ADAMTSL5: variants seen among roughly 807,000 people sequenced by gnomAD.
The protein encoded by ADAMTSL5 is ADAMTS-like protein 5.
ADAMTSL5 carries 53 observed loss-of-function variants against 51.7 expected under a neutral mutation model. That is an observed-to-expected ratio of 1.03 (90% CI 0.82 to 1.29). The LOEUF is 1.29. ADAMTSL5 is among the 50% of genes most tolerant of loss of function. ADAMTSL5 has a pLI of 0.00. For synonymous variants in ADAMTSL5, 285 were observed against 278.7 expected (o/e 1.02, Z -0.23); for missense variants, 770 against 676.2 (o/e 1.14, Z -1.54).
chr19:1,507,208 A>T (rs773858007), intron 9 of ADAMTSL5, 34 bp downstream of exon 9: 1 of 1,505,012 alleles, frequency 6.6e-7, no homozygotes, highest in East Asian at 2.3e-5. Context: ...TCCCCAGCCG[A>T]CCCCCTCTGA....
At position 1,506,805 on chromosome 19, in the gene ADAMTSL5, C is replaced by T. The variant is rs768921258; in HGVS notation, c.976G>A (p.Gly326Arg). ...GCTGCGGGGGGCTGAGGCTCCACCC[C>T]CCGGGGCTGAGGCTGCCTCAGGGGC... Reference protein sequence around the residue: ...GWPLRQPQPRGVEPQPPAAPA... With the variant: ...GWPLRQPQPRRVEPQPPAAPA... The change falls in exon 10 of 12, where the codon GGG becomes AGG. Residue 326 changes from glycine to arginine, a missense_variant. Coordinates refer to ENST00000330475, the MANE Select transcript of ADAMTSL5 (RefSeq NM_213604.3). This position sits in a 1 kb window ranked among gnomAD's most constrained non-coding sequence, Gnocchi z 5.6. 37 of 1,541,594 alleles carry T rather than the reference C, an allele frequency of 2.4e-5. No individual in the cohort carries two copies. The highest frequency in any genetic ancestry group is 2.6e-6 in the Non-Finnish European group (3 of 1,144,442).
Position 1,506,192 on chromosome 19 carries a change from G to A in ADAMTSL5, c.1239C>T (p.Gly413=). 6.2e-7 allele frequency: 1 copy of A among 1,608,596 alleles called. No homozygotes were observed. The highest frequency in any genetic ancestry group is 8.5e-7 in the Non-Finnish European group (1 of 1,177,050). The part of the protein sequence containing the change: ...LRAREYVWAP[G]HCPCPMLAPH... Reference sequence around the variant, plus strand: ...GTGCCAGCATCGGGCAGGGGCAGTGGCCTGGCGCCCACACGTACTCGCGTG... The same window carrying A: ...GTGCCAGCATCGGGCAGGGGCAGTGACCTGGCGCCCACACGTACTCGCGTG... Residue 413 remains glycine, a synonymous_variant, in exon 12 of 12, where the codon GGC becomes GGT. Coordinates refer to ENST00000330475, the MANE Select transcript of ADAMTSL5 (RefSeq NM_213604.3). The surrounding 1 kb of genome is among the most constrained non-coding windows in gnomAD (Gnocchi z 5.6).
intron 9 of ADAMTSL5, 131 bp from the exon 10 acceptor site, chr19:1,507,059 C>G (rs890050717): frequency 3.3e-5 from 42 of 1,288,472 alleles, no homozygotes; most frequent in Non-Finnish European, 4.2e-5. Flanking sequence ...TGCTCTGTCC[C>G]TAGCTGATCC....
chr19:1,506,966 G>T lies in ADAMTSL5; in HGVS notation c.853-38C>A. 6.6e-7 allele frequency: 1 copy of T among 1,523,724 alleles called. No homozygotes were observed. The highest frequency in any genetic ancestry group is 8.8e-7 in the Non-Finnish European group (1 of 1,137,544). 94.4% of individuals were successfully genotyped at this position (1,523,724 alleles called of 1,614,324 possible). On this transcript the variant is annotated intron_variant, in intron 9 of 11. Transcript: ENST00000330475. The surrounding 1 kb of genome is among the most constrained non-coding windows in gnomAD (Gnocchi z 5.6). ...AGGGGACACAGGGAGCTTCACAGGA[G>T]GCTGGGGTTGCCTCCTGCCTCTGAC...
In ADAMTSL5 at chr19:1,510,352, G is replaced by A. The variant is rs1008987267; in HGVS notation, c.252+16C>T. ...TCTGGGGTGGGAGAGTGGTCTGGGA[G>A]GTGGGCAGGGCTTACTGGCAACTGG... On this transcript the variant is annotated intron_variant, in intron 4 of 11. Transcript: ENST00000330475. The A allele has an allele frequency of 1.2e-6, 2 of 1,613,704 alleles. No homozygotes were observed. Among genetic ancestry groups the A allele is most frequent in the Non-Finnish European group, 1.7e-6 (2 of 1,179,924 alleles).
chr19:1,506,784 C>A lies in ADAMTSL5; in HGVS notation c.997G>T (p.Ala333Ser). ...TGTGCAGGGGTGACAGCAGGGGCTGCGGGGGGCTGAGGCTCCACCCCCCGG... is the reference window on the plus strand; with the variant it reads ...TGTGCAGGGGTGACAGCAGGGGCTGAGGGGGGCTGAGGCTCCACCCCCCGG... ...QPRGVEPQPP[A>S]APAVTPAQTP... Residue 333 changes from alanine (A) to serine (S), a missense_variant, in exon 10 of 12, where the codon GCA (alanine) becomes TCA (serine). Physicochemically the swap from Ala to Ser is moderately conservative, Grantham distance 99. Transcript: ENST00000330475. This position sits in a 1 kb window ranked among gnomAD's most constrained non-coding sequence, Gnocchi z 5.6. The A allele has an allele frequency of 1.9e-6, 3 of 1,542,198 alleles. No individual in the cohort carries two copies. The highest frequency in any genetic ancestry group is 2.6e-6 in the Non-Finnish European group (3 of 1,144,978).
Position 1,506,158 on chromosome 19 carries a change from C to T in ADAMTSL5, c.1273G>A (p.Asp425Asn). The change falls in exon 12 of 12, where the codon GAC (aspartate) becomes AAC (asparagine). Residue 425 changes from aspartate to asparagine, a missense_variant. Transcript: ENST00000330475. This position sits in a 1 kb window ranked among gnomAD's most constrained non-coding sequence, Gnocchi z 5.6. ...AGACGCTGGACAGCCATCAGGTAGT[C>T]CCGGTGGGGTGCCAGCATCGGGCAG... is the stretch of plus-strand genomic sequence containing the variant. ...CPCPMLAPHR[D>N]YLMAVQRLVS... is the part of the protein sequence containing the mutation. 6.2e-7 allele frequency: 1 copy of T among 1,608,878 alleles called. No homozygotes were observed. Among genetic ancestry groups the T allele is most frequent in the Non-Finnish European group, 8.5e-7 (1 of 1,177,570 alleles).
chr19:1,512,394 AG>A (rs1270359224), intron 1 of ADAMTSL5, among the ~76,000 whole-genome samples: 3 of 152,062 alleles, frequency 2.0e-5, no homozygotes, highest in African/African-American at 4.8e-5. Flanking sequence ...AAACAAGGGG[AG>A]GGGGGCCAGG....
intron 4 of ADAMTSL5, 54 bp from the exon 5 acceptor site, chr19:1,510,312 G>A (rs1913191703): frequency 1.2e-6 from 2 of 1,613,054 alleles, no homozygotes; most frequent in African/African-American, 2.7e-5. Context: ...GGGGCAGGTG[G>A]TGGGCTTCAG....
At position 1,510,492 on chromosome 19, in the gene ADAMTSL5, C is replaced by T. The variant is rs931802788; in HGVS notation, c.192-64G>A. The T allele has an allele frequency of 2.2e-5, 33 of 1,532,264 alleles. No homozygotes were observed. In the Admixed American group the frequency reaches 6.3e-4, roughly 29 times the overall value. The allele number at this position is 1,532,264 out of a possible 1,614,324, so 94.9% of individuals were successfully genotyped here. ...CCCCTCCCAGGGCTGGCCTTCCACC[C>T]TCCGCCCCCGCCAACCCCACCCGCA... On this transcript the variant is annotated intron_variant, in intron 3 of 11. Transcript: ENST00000330475.
At position 1,505,921 on chromosome 19, in the gene ADAMTSL5, G is replaced by T; in HGVS notation, c.*94C>A. 7.1e-7 allele frequency: 1 copy of T among 1,403,674 alleles called. No individual in the cohort carries two copies. 87.0% of individuals were successfully genotyped at this position (1,403,674 alleles called of 1,614,324 possible). On this transcript the variant is annotated 3_prime_UTR_variant, in exon 12 of 12. Coordinates refer to ENST00000330475, the MANE Select transcript of ADAMTSL5 (RefSeq NM_213604.3). The stretch of plus-strand genomic sequence containing the variant: ...CACAGGTGGGACGTATTTCAGAGCT[G>T]CCTGGAAGCCAGGGTGAGAGGGGAA...
chr19:1,511,581 G>A (rs1245809161), intron 1 of ADAMTSL5: 3 of 1,258,806 alleles, frequency 2.4e-6, no homozygotes, highest in Admixed American at 2.6e-5. Flanking sequence ...TGCCTCCTAG[G>A]GCTGGGGCCC....
intron 7 of ADAMTSL5, 63 bp from the exon 8 acceptor site, chr19:1,507,706 G>A (rs1913022844): frequency 1.3e-6 from 2 of 1,507,990 alleles, no homozygotes; most frequent in South Asian, 1.1e-5. Flanking sequence ...GATGACTTGA[G>A]GATTTAATGA....
chr19:1,507,035 C>A lies in ADAMTSL5; in HGVS notation c.853-107G>T. ...CCACTTTGATCCTGTCTGCCCCCAGCCTCCCTCCTCTGATGCTCTGTCCCT... is the reference window on the plus strand; with the variant it reads ...CCACTTTGATCCTGTCTGCCCCCAGACTCCCTCCTCTGATGCTCTGTCCCT... On this transcript the variant is annotated intron_variant, in intron 9 of 11. Transcript: ENST00000330475. 3.7e-6 allele frequency: 5 copies of A among 1,346,162 alleles called. No homozygotes were observed. The South Asian group carries it at 5.4e-5, about 15-fold the overall frequency. 83.4% of individuals were successfully genotyped at this position (1,346,162 alleles called of 1,614,324 possible). A position where few individuals can be genotyped will look rare whatever the true frequency, so the allele number is the denominator to read the frequency against.
chr19:1,507,765 C>A, intron 7 of ADAMTSL5, 122 bp from the exon 8 acceptor site: 1 of 1,103,744 alleles, frequency 9.1e-7, no homozygotes, highest in Non-Finnish European at 1.3e-6. Context: ...CCGGAAAACC[C>A]TCCGTAAACG....
intron 7 of ADAMTSL5, among the ~76,000 whole-genome samples, 163 bp downstream of exon 7, chr19:1,507,835 T>G (rs1039721832): frequency 6.6e-6 from 1 of 152,034 alleles, no homozygotes; most frequent in Admixed American, 6.6e-5. Flanking sequence ...ACCCCATCTG[T>G]CCTGGGGAAG....
chr19:1,512,003 T>C (rs896932565), intron 1 of ADAMTSL5, among the ~76,000 whole-genome samples: 1 of 152,194 alleles, frequency 6.6e-6, no homozygotes, highest in African/African-American at 2.4e-5. Context: ...TGACTGCCTC[T>C]CTGGGCCTTA....
At position 1,510,874 on chromosome 19, in the gene ADAMTSL5, G is replaced by A. The variant is rs1374315872; in HGVS notation, c.70C>T (p.Leu24=). 4 of 1,535,968 alleles carry A rather than the reference G, an allele frequency of 2.6e-6. No individual in the cohort carries two copies. Among genetic ancestry groups the A allele is most frequent in the Non-Finnish European group, 3.5e-6 (4 of 1,149,050 alleles). ...GCACTGACCCCCAAACCACAGTTCA[G>A]CAGGGCCCACAGGAAGAGCAGGAGG... ...QNLLLFLWAL[L]NCGLGVSAQG... The change falls in exon 2 of 12, where the codon CTG becomes TTG. Residue 24 remains leucine, a synonymous_variant. Coordinates refer to ENST00000330475, the MANE Select transcript of ADAMTSL5 (RefSeq NM_213604.3).
rs771263075 is a variant in ADAMTSL5 at position 1,507,633 on chromosome 19, A to G, written c.612T>C (p.Ala204=). The G allele has an allele frequency of 9.9e-6, 16 of 1,613,480 alleles. No individual in the cohort carries two copies. The East Asian group carries it at 3.6e-4, about 36-fold the overall frequency. ...GGATCAGGGTCACGTTCCAGTACCC[A>G]GCGAAGGCACCTGGGTGGGAGGGTA... ...QRVFRDAGAF[A]GYWNVTLIPE... is the part of the protein sequence containing the mutation. Residue 204 remains alanine (A), a synonymous_variant, in exon 8 of 12, where the codon GCT becomes GCC. Coordinates refer to ENST00000330475, the MANE Select transcript of ADAMTSL5 (RefSeq NM_213604.3).
Sources: gnomAD v4.1 joint callset for allele counts (sites outside exome capture counted in the v4.1 genomes callset) on GRCh38, gnomAD v4.1.1 for gene constraint, Gnocchi (gnomAD v3.1) non-coding constraint, MANE v1.5 for transcripts, NCBI Gene and HGNC (gene_info 2026-07-23, HGNC 2026-07-21) for gene names.